The following DPF3 variants were observed in gnomAD, a reference collection of about 807,000 sequenced individuals.
The protein encoded by DPF3 is double PHD fingers 3, also known as zinc finger protein DPF3.
DPF3 carries 18 observed loss-of-function variants against 56.8 expected under a neutral mutation model. The ratio of observed to expected loss-of-function variants is 0.32; its 90% CI spans 0.22 to 0.47. The LOEUF is 0.47. DPF3 is among the 20% of genes least tolerant of loss of function. The pLI is 1.00. For synonymous variants in DPF3, 188 were observed against 180.2 expected, an observed-to-expected ratio of 1.04 and a Z score of -0.35; for missense variants, 403 against 488.8, an observed-to-expected ratio of 0.82 and a Z score of 1.65.
chr14:72,856,593 G>A (rs191836730), intron 1 of DPF3, among the ~76,000 whole-genome samples: 43 of 152,338 alleles, frequency 2.8e-4, no homozygotes, highest in Non-Finnish European at 5.4e-4. Flanking sequence ...ACCCACAGGA[G>A]ATAATATTTT....
chr14:72,693,990 G>T (rs987708155), intron 6 of DPF3, among the ~76,000 whole-genome samples: 3 of 152,228 alleles, frequency 2.0e-5, no homozygotes, highest in Admixed American at 2.0e-4. Context: ...AGCCAAATCT[G>T]TAAAAGGTGC....
At chr14:72,688,464 A>C (rs537775202) in intron 7 of DPF3, among the ~76,000 whole-genome samples, 1 of 152,334 alleles carries the variant, frequency 6.6e-6, no homozygotes, top group South Asian at 2.1e-4. Context: ...AACATCATCT[A>C]TAATCAATTC....
At chr14:72,704,327 C>T (rs906910724) in intron 6 of DPF3, among the ~76,000 whole-genome samples, 1 of 152,194 alleles carries the variant, frequency 6.6e-6, no homozygotes, top group Non-Finnish European at 1.5e-5. Context: ...GTCAACATTT[C>T]TGGGGAAGGT....
At chr14:72,656,399 T>A (rs1886063482) in intron 8 of DPF3, among the ~76,000 whole-genome samples, 3 of 152,162 alleles carry the variant, frequency 2.0e-5, no homozygotes, top group Admixed American at 1.3e-4. Flanking sequence ...TCCAGATCTA[T>A]CTCAGCTATA....
At chr14:72,815,224 C>T (rs577609368) in intron 1 of DPF3, among the ~76,000 whole-genome samples, 108 of 143,072 alleles carry the variant, frequency 7.5e-4, no homozygotes, top group African/African-American at 2.7e-3. Flanking sequence ...AAAAGCACAT[C>T]AAAAAAAAAA....
intron 1 of DPF3, among the ~76,000 whole-genome samples, chr14:72,826,133 G>A (rs1278331046): frequency 6.6e-6 from 1 of 152,130 alleles, no homozygotes; most frequent in East Asian, 1.9e-4. Context: ...CTTGAGATCA[G>A]GGACATGTGG....
intron 1 of DPF3, among the ~76,000 whole-genome samples, chr14:72,810,227 C>G (rs1019495223): frequency 6.6e-6 from 1 of 152,168 alleles, no homozygotes; most frequent in African/African-American, 2.4e-5. Context: ...TGCTGTGGTC[C>G]AGCAACATAC....
At chr14:72,761,281 T>C (rs1429914685) in intron 2 of DPF3, among the ~76,000 whole-genome samples, 1 of 152,134 alleles carries the variant, frequency 6.6e-6, no homozygotes, top group Non-Finnish European at 1.5e-5. Flanking sequence ...ATTCTTTTCC[T>C]GAGCAAACAG....
chr14:72,816,379 C>T (rs28678060), intron 1 of DPF3, among the ~76,000 whole-genome samples: 6,012 of 152,302 alleles, frequency 0.039, 355 homozygotes, highest in African/African-American at 0.13. Context: ...CCTTCTCCAT[C>T]GTATGAGTCT....
intron 8 of DPF3, among the ~76,000 whole-genome samples, chr14:72,636,723 C>T (rs185895406): frequency 6.6e-6 from 1 of 152,342 alleles, no homozygotes; most frequent in Admixed American, 6.5e-5. Context: ...TGCAGGTTCA[C>T]CTCTATCTGC....
At chr14:72,826,457 T>A (rs73304149) in intron 1 of DPF3, among the ~76,000 whole-genome samples, 2,225 of 152,164 alleles carry the variant, frequency 0.015, 52 homozygotes, top group African/African-American at 0.051. Context: ...AACCTATAGG[T>A]GACAATAAGA....
At position 72,804,443 on chromosome 14, in the gene DPF3, C is replaced by T. The variant is rs1207057511; in HGVS notation, c.33-32550G>A. ...GAGCAAACAACAACAAAAACAACAA[C>T]AATCCACAAAATCTCTAACGCAGAT... On this transcript the variant is annotated intron_variant, in intron 1 of 10. Coordinates refer to ENST00000556509, the MANE Select transcript of DPF3 (RefSeq NM_001280542.3). 2.0e-5 allele frequency among the ~76,000 whole-genome samples: 3 copies of T among 152,206 alleles called. No homozygotes were observed. The East Asian group carries it at 5.8e-4, about 29-fold the overall frequency.
At chr14:72,817,313 A>G (rs1467025181) in intron 1 of DPF3, among the ~76,000 whole-genome samples, 1 of 152,222 alleles carries the variant, frequency 6.6e-6, no homozygotes, top group Non-Finnish European at 1.5e-5. Context: ...GAATCAAACT[A>G]GACCCCCAGC....
intron 9 of DPF3, among the ~76,000 whole-genome samples, chr14:72,624,883 T>A (rs1884729801): frequency 6.6e-6 from 1 of 152,258 alleles, no homozygotes; most frequent in Non-Finnish European, 1.5e-5. Flanking sequence ...TAAAGTAATG[T>A]TGTGCCCTTC....
At chr14:72,668,379 C>T (rs10138009) in intron 8 of DPF3, among the ~76,000 whole-genome samples, 66,835 of 152,012 alleles carry the variant, frequency 0.44, 15,534 homozygotes, top group East Asian at 0.82. Flanking sequence ...ATCTTGAGTC[C>T]GTTCAAAGAC....
chr14:72,702,769 C>G (rs1888228677), intron 6 of DPF3, among the ~76,000 whole-genome samples: 1 of 152,190 alleles, frequency 6.6e-6, no homozygotes. Context: ...CCAAAAGCCA[C>G]CTGCTCAGAC....
intron 1 of DPF3, among the ~76,000 whole-genome samples, chr14:72,829,083 G>A (rs917370714): frequency 2.6e-5 from 4 of 152,214 alleles, no homozygotes; most frequent in African/African-American, 9.6e-5. Context: ...AGAAGCTCAA[G>A]TTCCTTCTGG....
At chr14:72,758,565 C>A (rs1159433171) in intron 2 of DPF3, among the ~76,000 whole-genome samples, 1 of 152,108 alleles carries the variant, frequency 6.6e-6, no homozygotes, top group Non-Finnish European at 1.5e-5. Context: ...TCCATTTATG[C>A]CTGTGAGGAA....
intron 3 of DPF3, among the ~76,000 whole-genome samples, chr14:72,743,037 T>C (rs114425961): frequency 0.04 from 6,020 of 152,288 alleles, 206 homozygotes; most frequent in Admixed American, 0.091. Flanking sequence ...CATGCCCTCT[T>C]GTCTGAGTTT....
Sources: gnomAD v4.1 joint callset for allele counts (sites outside exome capture counted in the v4.1 genomes callset) on GRCh38, gnomAD v4.1.1 for gene constraint, MANE v1.5 for transcripts, NCBI Gene and HGNC (gene_info 2026-07-23, HGNC 2026-07-21) for gene names.